Variants in SLC16A8 observed in about 807,000 individuals in gnomAD.
SLC16A8 encodes the protein monocarboxylate transporter 3.
A neutral mutation model predicts 22.4 loss-of-function variants in SLC16A8; 20 were observed. The observed-to-expected ratio is 0.89, with a 90% CI of 0.63 to 1.30. The LOEUF (loss-of-function observed/expected upper bound fraction) is 1.30, where lower values mean the gene tolerates loss of function less well. SLC16A8 is among the 50% of genes most tolerant of loss of function. SLC16A8 has a pLI of 0.00. For missense variants in SLC16A8, 817 were observed against 740.3 expected (o/e 1.10, Z -1.20); for synonymous variants, 393 against 358.8 (o/e 1.10, Z -1.08).
rs748362758 is a variant in SLC16A8, at chr22:38,081,884, C to T, written c.358+5G>A. The T allele has an allele frequency of 1.3e-6, 2 of 1,593,266 alleles. No individual in the cohort carries two copies. The highest frequency in any genetic ancestry group is 1.1e-5 in the South Asian group (1 of 87,442). ...CCAGCGGAGAGGAGACCAGGGGGCCCTCACCTGTGAGCACCCCAGCGGTCA... is the reference window on the plus strand; with the variant it reads ...CCAGCGGAGAGGAGACCAGGGGGCCTTCACCTGTGAGCACCCCAGCGGTCA... On this transcript the variant is annotated splice_donor_5th_base_variant and intron_variant, in intron 4 of 5. Transcript: ENST00000681075.
Position 38,080,855 on chromosome 22 carries a change from C to A in SLC16A8, c.1183G>T (p.Gly395Ter). ...LLVEAAAVLI[G>*]PPSAGRLVDV... ...CGGGGCGCACCGGCAGAGGGCGGTCCGATGAGCACAGCCGCGGCCTCCACG... is the reference window on the plus strand; with the variant it reads ...CGGGGCGCACCGGCAGAGGGCGGTCAGATGAGCACAGCCGCGGCCTCCACG... The change falls in exon 5 of 6, where the codon GGA becomes TGA. Residue 395 changes from glycine to a stop codon, truncating the protein, a stop_gained. Coordinates refer to ENST00000681075, the MANE Select transcript of SLC16A8 (RefSeq NM_013356.3). LOFTEE classifies it low-confidence loss of function (END_TRUNC). 2 of 1,523,074 alleles carry A rather than the reference C, an allele frequency of 1.3e-6. No homozygotes were observed. Among genetic ancestry groups the A allele is most frequent in the Non-Finnish European group, 1.8e-6 (2 of 1,142,206 alleles). The allele number at this position is 1,523,074 out of a possible 1,614,324, so 94.3% of individuals were successfully genotyped here.
chr22:38,082,083 C>T (rs1601971508), intron 3 of SLC16A8, 51 bp from the exon 4 acceptor site: 2 of 1,526,238 alleles, frequency 1.3e-6, no homozygotes, highest in East Asian at 2.4e-5. Flanking sequence ...CTTGAGTCCT[C>T]TAAGGAATAA....
At position 38,080,776 on chromosome 22, in the gene SLC16A8, G is replaced by C. The variant is rs112424679; in HGVS notation, c.1198+64C>G. The C allele has an allele frequency of 1.1e-3, 1,632 of 1,430,496 alleles. 16 individuals carry two copies. In the African/African-American group the frequency reaches 0.021, roughly 19 times the overall value. 88.6% of individuals were successfully genotyped at this position (1,430,496 alleles called of 1,614,324 possible). A position where few individuals can be genotyped will look rare whatever the true frequency, so the allele number is the denominator to read the frequency against. On this transcript the variant is annotated intron_variant, in intron 5 of 5. Coordinates refer to ENST00000681075, the MANE Select transcript of SLC16A8 (RefSeq NM_013356.3). ...CCTGGAAGTTCCATCTGAGACAGGG[G>C]GATGGAGCTTCCCTGGGTCTAAGGG...
Position 38,081,079 on chromosome 22 carries a change from G to A in SLC16A8, c.959C>T (p.Pro320Leu). ...CAGCAGGGCCAGGCTGAACAGATAC[G>A]GGACGTGCGGCCGCAGACGCGCCAG... Reference protein sequence around the residue: ...AGLARLRPHVPYLFSLALLAN... With the variant: ...AGLARLRPHVLYLFSLALLAN... The change falls in exon 5 of 6, where the codon CCG becomes CTG. Residue 320 changes from proline to leucine, a missense_variant. Pro to Leu is a moderately conservative substitution (Grantham distance 98, BLOSUM62 -3). Transcript: ENST00000681075. 1 of 1,569,250 alleles carries A rather than the reference G, an allele frequency of 6.4e-7. No homozygotes were observed.
At position 38,081,677 on chromosome 22, in the gene SLC16A8, G is replaced by A. The variant is rs1277637988; in HGVS notation, c.361C>T (p.Leu121=). 6.6e-7 allele frequency: 1 copy of A among 1,513,940 alleles called. No homozygotes were observed. Among genetic ancestry groups the A allele is most frequent in the Non-Finnish European group, 8.8e-7 (1 of 1,136,228 alleles). 93.8% of individuals were successfully genotyped at this position (1,513,940 alleles called of 1,614,324 possible). The change falls in exon 5 of 6, where the codon CTG becomes TTG. Residue 121 remains leucine, a splice_region_variant and synonymous_variant. Coordinates refer to ENST00000681075, the MANE Select transcript of SLC16A8 (RefSeq NM_013356.3). ...LYLTAGVLTG[L]GLALNFQPSL... is the part of the protein sequence containing the mutation. ...GGCTGGAAGTTGAGGGCCAGGCCCA[G>A]GCCTGCGGGCGAGGCGGTGCTGTGC... is the stretch of plus-strand genomic sequence containing the variant.
At position 38,080,820 on chromosome 22, in the gene SLC16A8, C is replaced by G. The variant is rs61061857; in HGVS notation, c.1198+20G>C. On this transcript the variant is annotated intron_variant, in intron 5 of 5. Transcript: ENST00000681075. Reference sequence around the variant, plus strand: ...CTAAGGGGCACTAGGCTCGCCACCCCCTCTTCCTTCGGGGCGCACCGGCAG... The same window carrying G: ...CTAAGGGGCACTAGGCTCGCCACCCGCTCTTCCTTCGGGGCGCACCGGCAG... 2,933 of 1,471,208 alleles carry G rather than the reference C, an allele frequency of 2.0e-3. 53 individuals carry two copies. In the African/African-American group the frequency reaches 0.037, roughly 18 times the overall value. The allele number at this position is 1,471,208 out of a possible 1,614,324, so 91.1% of individuals were successfully genotyped here.
At position 38,078,449 on chromosome 22, in the gene SLC16A8, C is replaced by T. The variant is rs748310060; in HGVS notation, c.1454G>A (p.Arg485Gln). Reference sequence around the variant, plus strand: ...TATTTCTGGTTCTGTGGGCTCGCCCCGGGCGCTGAGCACCTCCAGGGCCTC... The same window carrying T: ...TATTTCTGGTTCTGTGGGCTCGCCCTGGGCGCTGAGCACCTCCAGGGCCTC... ...NLEALEVLSA[R>Q]GEPTEPEIEA... The change falls in exon 6 of 6, where the codon CGG becomes CAG. Residue 485 changes from arginine (R) to glutamine (Q), a missense_variant. Coordinates refer to ENST00000681075, the MANE Select transcript of SLC16A8 (RefSeq NM_013356.3). The T allele has an allele frequency of 1.1e-5, 18 of 1,610,486 alleles. No homozygotes were observed. In the Middle Eastern group the frequency reaches 8.3e-4, roughly 74 times the overall value.
At chr22:38,083,786 G>C (rs951674951) in intron 1 of SLC16A8, among the ~76,000 whole-genome samples, 2 of 89,582 alleles carry the variant, frequency 2.2e-5, no homozygotes. Flanking sequence ...CCGGGGGCTG[G>C]GGATAGCCTC....
At chr22:38,083,519 T>C (rs1195378030) in intron 1 of SLC16A8, among the ~76,000 whole-genome samples, 158 bp from the exon 2 acceptor site, 3 of 152,188 alleles carry the variant, frequency 2.0e-5, no homozygotes, top group African/African-American at 7.2e-5. Context: ...CGATGTAAGA[T>C]GGGTGATTGA....
In SLC16A8 at chr22:38,078,737, A is replaced by G. The variant is rs1472590740; in HGVS notation, c.1199-33T>C. The G allele has an allele frequency of 3.8e-6, 6 of 1,583,656 alleles. No individual in the cohort carries two copies. In the African/African-American group the frequency reaches 5.4e-5, roughly 14 times the overall value. ...GGAGGAGGAAGAGGAGGGAGAGGTA[A>G]GGTCCTGTGGGGTCCTCCCCTCACT... On this transcript the variant is annotated intron_variant, in intron 5 of 5. Coordinates refer to ENST00000681075, the MANE Select transcript of SLC16A8 (RefSeq NM_013356.3).
chr22:38,082,761 G>T lies in SLC16A8; in HGVS notation c.113C>A (p.Ala38Asp), dbSNP rs2085938754. ...GAGCGCGCGGAAGAAGACGCTCACGGCTTTGGGGAAGCCGTAGGCGAAGCC... is the reference window on the plus strand; with the variant it reads ...GAGCGCGCGGAAGAAGACGCTCACGTCTTTGGGGAAGCCGTAGGCGAAGCC... ...VTGFAYGFPK[A>D]VSVFFRALMR... The change falls in exon 3 of 6, where the codon GCC (alanine) becomes GAC (aspartate). Residue 38 changes from alanine (A) to aspartate (D), a missense_variant. By Grantham distance (126) the Ala-to-Asp change is moderately radical. Transcript: ENST00000681075. 6.3e-7 allele frequency: 1 copy of T among 1,593,816 alleles called. No homozygotes were observed. Among genetic ancestry groups the T allele is most frequent in the Non-Finnish European group, 8.5e-7 (1 of 1,173,010 alleles).
chr22:38,081,102 C>T lies in SLC16A8; in HGVS notation c.936G>A (p.Leu312=). Residue 312 remains leucine (L), a synonymous_variant, in exon 5 of 6, where the codon CTG becomes CTA. Coordinates refer to ENST00000681075, the MANE Select transcript of SLC16A8 (RefSeq NM_013356.3). The part of the protein sequence containing the change: ...ARPACGALAG[L]ARLRPHVPYL... The stretch of plus-strand genomic sequence containing the variant: ...ACGGGACGTGCGGCCGCAGACGCGC[C>T]AGGCCCGCCAGGGCGCCGCACGCCG... 1 of 1,550,626 alleles carries T rather than the reference C, an allele frequency of 6.4e-7. No individual in the cohort carries two copies. The highest frequency in any genetic ancestry group is 1.2e-5 in the South Asian group (1 of 84,592).
chr22:38,082,185 G>A (rs1039841793), intron 3 of SLC16A8, among the ~76,000 whole-genome samples, 153 bp from the exon 4 acceptor site: 2 of 152,218 alleles, frequency 1.3e-5, no homozygotes, highest in Admixed American at 6.5e-5. Flanking sequence ...ACAGCATCCT[G>A]CGAGGGCAAG....
intron 5 of SLC16A8, among the ~76,000 whole-genome samples, chr22:38,079,982 G>A (rs1601968796): frequency 6.6e-6 from 1 of 152,200 alleles, no homozygotes; most frequent in Non-Finnish European, 1.5e-5. Flanking sequence ...AGCCCTGAAG[G>A]AAGGACGAGC....
Position 38,082,844 on chromosome 22 carries a change from C to T in SLC16A8, c.30G>A (p.Glu10=), listed in dbSNP as rs2145901533. 3 of 1,561,764 alleles carry T rather than the reference C, an allele frequency of 1.9e-6. No individual in the cohort carries two copies. The highest frequency in any genetic ancestry group is 1.3e-5 in the African/African-American group (1 of 74,380). Reference sequence around the variant, plus strand: ...AGCCCCAGCCGCCGTCTGGGGGGCCCTCGCCCCGCCGGGGGCCGCCAGCGC... The same window carrying T: ...AGCCCCAGCCGCCGTCTGGGGGGCCTTCGCCCCGCCGGGGGCCGCCAGCGC... MGAGGPRRG[E]GPPDGGWGWV... is the part of the protein sequence containing the mutation. Residue 10 remains glutamate, a synonymous_variant, in exon 3 of 6, where the codon GAG becomes GAA. Coordinates refer to ENST00000681075, the MANE Select transcript of SLC16A8 (RefSeq NM_013356.3).
Position 38,081,532 on chromosome 22 carries a change from T to TC in SLC16A8, c.505dup (p.Glu169GlyfsTer55). 1 of 1,462,822 alleles carries TC rather than the reference T, an allele frequency of 6.8e-7. No individual in the cohort carries two copies. The highest frequency in any genetic ancestry group is 1.4e-5 in the South Asian group (1 of 73,784). The allele number at this position is 1,462,822 out of a possible 1,614,324, so 90.6% of individuals were successfully genotyped here. ...GAAGCCGCCGCGCCAGCCGAAGCGC[T>TC]CCAGCAGCTGCTGGCCGAGCGGCGA... On this transcript the variant is annotated frameshift_variant, in exon 5 of 6. Transcript: ENST00000681075. LOFTEE classifies it high-confidence loss of function.
In SLC16A8 at chr22:38,083,075, G is replaced by T. The variant is rs974739539; in HGVS notation, c.-42C>A. On this transcript the variant is annotated 5_prime_UTR_variant, in exon 2 of 6. Transcript: ENST00000681075. ...TCCTTCTCCTGCAAAGGGCGCTGAA[G>T]GACGAGGGGAGGACGACGGGTCCCA... 1.2e-5 allele frequency: 7 copies of T among 585,038 alleles called. No homozygotes were observed. The East Asian group carries it at 1.7e-4, about 14-fold the overall frequency. 36.2% of individuals were successfully genotyped at this position (585,038 alleles called of 1,614,324 possible). A position where few individuals can be genotyped will look rare whatever the true frequency, so the allele number is the denominator to read the frequency against.
Position 38,080,960 on chromosome 22 carries a change from C to A in SLC16A8, c.1078G>T (p.Val360Leu). 1 of 1,594,808 alleles carries A rather than the reference C, an allele frequency of 6.3e-7. No homozygotes were observed. Among genetic ancestry groups the A allele is most frequent in the Non-Finnish European group, 8.5e-7 (1 of 1,175,954 alleles). ...CVAFGLSYGM[V>L]GALQFEVLMA... The stretch of plus-strand genomic sequence containing the variant: ...AGCACCTCGAACTGCAGCGCGCCCA[C>A]CATGCCGTAGGAGAGGCCGAAGGCG... The change falls in exon 5 of 6, where the codon GTG (valine) becomes TTG (leucine). Residue 360 changes from valine to leucine, a missense_variant. Physicochemically the swap from Val to Leu is conservative, Grantham distance 32. Transcript: ENST00000681075.
In SLC16A8 at chr22:38,078,675, C is replaced by G; in HGVS notation, c.1228G>C (p.Glu410Gln). ...GRLVDVLKNYEIIFYLAGSEV... is the reference protein window; with the variant it reads ...GRLVDVLKNYQIIFYLAGSEV... ...GAGCCGGCCAGGTAGAAGATGATCT[C>G]ATAGTTCTTCAACACATCCACCAGG... Residue 410 changes from glutamate (E) to glutamine (Q), a missense_variant, in exon 6 of 6, where the codon GAG (glutamate) becomes CAG (glutamine). Glu to Gln is a conservative substitution (Grantham distance 29, BLOSUM62 2). Coordinates refer to ENST00000681075, the MANE Select transcript of SLC16A8 (RefSeq NM_013356.3). 6.2e-7 allele frequency: 1 copy of G among 1,610,098 alleles called. No individual in the cohort carries two copies. Among genetic ancestry groups the G allele is most frequent in the Non-Finnish European group, 8.5e-7 (1 of 1,176,630 alleles).
Sources: allele counts gnomAD v4.1 joint callset (sites outside exome capture counted in the v4.1 genomes callset), GRCh38; gene constraint gnomAD v4.1.1; transcripts MANE v1.5; gene names NCBI Gene and HGNC (gene_info 2026-07-23, HGNC 2026-07-21).